Variants in DOCK2 observed in about 807,000 individuals in gnomAD.
The protein encoded by DOCK2 is dedicator of cytokinesis 2.
In DOCK2, 87 loss-of-function variants were observed where a neutral mutation model predicts 248.9. That is an observed-to-expected ratio of 0.35 (90% CI 0.29 to 0.42). The LOEUF (loss-of-function observed/expected upper bound fraction) is 0.42. DOCK2 is among the 10% of genes least tolerant of loss of function. The pLI is 1.00. For synonymous variants in DOCK2, 805 were observed against 821.6 expected (o/e 0.98, Z 0.35); for missense variants, 1,747 against 2,300.2 (o/e 0.76, Z 4.92).
intron 22 of DOCK2, among the ~76,000 whole-genome samples, chr5:169,732,229 C>T (rs2113628926): frequency 6.6e-6 from 1 of 152,246 alleles, no homozygotes; most frequent in East Asian, 1.9e-4. Flanking sequence ...GCATTTTATT[C>T]TGCTGACCTC....
At chr5:169,868,911 CCAGAGCTGAAT>C (rs1233267039) in intron 27 of DOCK2, among the ~76,000 whole-genome samples, 3 of 152,122 alleles carry the variant, frequency 2.0e-5, no homozygotes, top group Non-Finnish European at 2.9e-5. Flanking sequence ...AGTGAGGGCC[CCAGAGCTGAAT>C]GCTCTTGGGT....
At chr5:169,953,237 G>A (rs1354799853) in intron 27 of DOCK2, among the ~76,000 whole-genome samples, 1 of 151,836 alleles carries the variant, frequency 6.6e-6, no homozygotes, top group Non-Finnish European at 1.5e-5. Context: ...GGAGGCTGAG[G>A]CAGGAGAATC....
At chr5:169,877,518 T>C (rs1480326176) in intron 27 of DOCK2, among the ~76,000 whole-genome samples, 39 of 152,238 alleles carry the variant, frequency 2.6e-4, no homozygotes, top group Admixed American at 2.6e-3. Context: ...AGTTGCCTCT[T>C]GGTCAATGGT....
chr5:169,854,324 T>A (rs927793196), intron 27 of DOCK2, among the ~76,000 whole-genome samples: 1 of 152,032 alleles, frequency 6.6e-6, no homozygotes, highest in African/African-American at 2.4e-5. Flanking sequence ...TAAGTGGGAT[T>A]ACAGGTACCC....
In DOCK2 at chr5:169,962,997, G is replaced by A. The variant is rs538609780; in HGVS notation, c.2800-20071G>A. 3.9e-5 allele frequency among the ~76,000 whole-genome samples: 6 copies of A among 152,280 alleles called. No individual in the cohort carries two copies. The South Asian group carries it at 1.2e-3, about 32-fold the overall frequency. Reference sequence around the variant, plus strand: ...AGCTCTAGCTGGGCTAAGGCCAAGGGTGGAAGAATTGACATTTTGATGCTT... The same window carrying A: ...AGCTCTAGCTGGGCTAAGGCCAAGGATGGAAGAATTGACATTTTGATGCTT... On this transcript the variant is annotated intron_variant, in intron 27 of 51. Transcript: ENST00000520908.
intron 27 of DOCK2, among the ~76,000 whole-genome samples, chr5:169,852,889 C>T (rs1446938060): frequency 6.6e-6 from 1 of 152,200 alleles, no homozygotes; most frequent in East Asian, 1.9e-4. Flanking sequence ...CTGGAACACA[C>T]ATTGGAAGGA....
At chr5:169,946,270 C>T (rs927396019) in intron 27 of DOCK2, among the ~76,000 whole-genome samples, 1 of 152,180 alleles carries the variant, frequency 6.6e-6, no homozygotes, top group Non-Finnish European at 1.5e-5. Flanking sequence ...TTCCAGCCCC[C>T]CACATCCAGC....
At chr5:169,741,924 C>T (rs1319390333) in intron 22 of DOCK2, among the ~76,000 whole-genome samples, 1 of 151,606 alleles carries the variant, frequency 6.6e-6, no homozygotes, top group African/African-American at 2.4e-5. Context: ...ATCCTCCTGC[C>T]TCAGCCTCCC....
In DOCK2 at chr5:170,081,885, C is replaced by G. The variant is rs772576626; in HGVS notation, c.5331C>G (p.Ala1777=). Residue 1777 remains alanine, a synonymous_variant, in exon 51 of 52, where the codon GCC becomes GCG. Transcript: ENST00000520908. ...SVAGIPGLDE[A]NTSPRLSQTF... is the part of the protein sequence containing the mutation. The stretch of plus-strand genomic sequence containing the variant: ...CAGGCATCCCTGGGTTGGATGAGGC[C>G]AACACATCTCCCCGCCTCAGCCAGA... 6.2e-7 allele frequency: 1 copy of G among 1,613,768 alleles called. No individual in the cohort carries two copies. Among genetic ancestry groups the G allele is most frequent in the African/African-American group, 1.3e-5 (1 of 74,834 alleles).
chr5:170,079,619 G>A (rs181040358), intron 49 of DOCK2: 125 of 169,070 alleles, frequency 7.4e-4, no homozygotes, highest in African/African-American at 2.8e-3. Context: ...GGCTTTGAGA[G>A]TGTTGGTCTT....
intron 27 of DOCK2, chr5:169,864,385 A>G: frequency 1.3e-6 from 2 of 1,551,576 alleles, no homozygotes; most frequent in Non-Finnish European, 1.7e-6. Context: ...TGCCTCCTCA[A>G]CTGGCTCTGC....
chr5:169,749,861 C>T (rs1763808219), intron 23 of DOCK2, among the ~76,000 whole-genome samples: 10 of 152,208 alleles, frequency 6.6e-5, no homozygotes, highest in Admixed American at 6.5e-4. Context: ...CTTCATCATT[C>T]TCTGACTAAG....
At chr5:170,054,038 A>ATT (rs76680522) in intron 41 of DOCK2, among the ~76,000 whole-genome samples, 55,985 of 151,992 alleles carry the variant, frequency 0.37, 12,030 homozygotes, top group African/African-American at 0.6. Context: ...TGGGGGGTGA[A>ATT]TTGTTTTCAT....
chr5:170,056,593 G>A (rs1006294557), intron 42 of DOCK2, 91 bp from the exon 43 acceptor site: 60 of 1,067,504 alleles, frequency 5.6e-5, no homozygotes, highest in Middle Eastern at 4.8e-4. Context: ...GAAGTTTACT[G>A]TAATGAACCT....
chr5:169,657,327 T>C (rs1758179846), intron 2 of DOCK2, among the ~76,000 whole-genome samples: 1 of 152,028 alleles, frequency 6.6e-6, no homozygotes, highest in African/African-American at 2.4e-5. Flanking sequence ...ATATAAAAGG[T>C]GTGAAAACCA....
intron 32 of DOCK2, among the ~76,000 whole-genome samples, chr5:170,017,075 C>G (rs1342974518): frequency 2.0e-5 from 3 of 152,128 alleles, no homozygotes; most frequent in Non-Finnish European, 4.4e-5. Context: ...TAGGATGATG[C>G]CTTTTTTATT....
At chr5:169,912,978 G>A (rs1774691268) in intron 27 of DOCK2, among the ~76,000 whole-genome samples, 1 of 152,086 alleles carries the variant, frequency 6.6e-6, no homozygotes, top group South Asian at 2.1e-4. Flanking sequence ...ATTTTGTATA[G>A]AATTTTCAAA....
chr5:169,799,740 T>C (rs971578911), intron 25 of DOCK2, among the ~76,000 whole-genome samples: 3 of 152,284 alleles, frequency 2.0e-5, no homozygotes, highest in African/African-American at 7.2e-5. Context: ...CTTTCTTCCT[T>C]ATCTTTCTAA....
intron 27 of DOCK2, among the ~76,000 whole-genome samples, chr5:169,942,858 T>C (rs1776296818): frequency 6.6e-6 from 1 of 152,236 alleles, no homozygotes; most frequent in African/African-American, 2.4e-5. Flanking sequence ...TTGACCACTG[T>C]GTGTGCTCGC....
Sources: gnomAD v4.1 joint callset for allele counts (sites outside exome capture counted in the v4.1 genomes callset) on GRCh38, gnomAD v4.1.1 for gene constraint, MANE v1.5 for transcripts, NCBI Gene and HGNC (gene_info 2026-07-23, HGNC 2026-07-21) for gene names.